ANP32A: variants seen among roughly 807,000 people sequenced by gnomAD.
The protein encoded by ANP32A is acidic leucine-rich nuclear phosphoprotein 32 family member A.
In ANP32A, 1 loss-of-function variant was observed where a neutral mutation model predicts 33.9. That is an observed-to-expected ratio of 0.03 (90% CI 0.01 to 0.14). The LOEUF is 0.14. Ranked by LOEUF, ANP32A falls within the 10% of genes least tolerant of loss-of-function variation. The pLI, the probability that ANP32A is intolerant of heterozygous loss-of-function variation, is 1.00. For synonymous variants in ANP32A, 115 were observed against 120.5 expected (o/e 0.95, Z 0.30); for missense variants, 155 against 306.0 (o/e 0.51, Z 3.68).
chr15:68,797,278 G>A (rs1894075441), intron 1 of ANP32A, among the ~76,000 whole-genome samples: 1 of 152,024 alleles, frequency 6.6e-6, no homozygotes, highest in African/African-American at 2.4e-5. Context: ...TGGGGTGGGA[G>A]GAGAGGAGAG....
intron 4 of ANP32A, 52 bp from the exon 5 acceptor site, chr15:68,783,105 GC>G (rs565045993): frequency 2.6e-6 from 4 of 1,548,230 alleles, no homozygotes; most frequent in African/African-American, 1.4e-5. Flanking sequence ...AGCTGGCTCC[GC>G]CCCCCACACA....
In ANP32A at chr15:68,818,341, G is replaced by A. The variant is rs762406508; in HGVS notation, c.54+2357C>T. Reference sequence around the variant, plus strand: ...AGGTGGGTGTGTGGGGGGCCCAGGGGCAGCGCGGCGGGGAGGGGCGCAGGG... The same window carrying A: ...AGGTGGGTGTGTGGGGGGCCCAGGGACAGCGCGGCGGGGAGGGGCGCAGGG... On this transcript the variant is annotated intron_variant, in intron 1 of 6. Coordinates refer to ENST00000465139, the MANE Select transcript of ANP32A (RefSeq NM_006305.4). 1.0e-4 allele frequency: 20 copies of A among 196,410 alleles called. 1 individual carries two copies. The East Asian group carries it at 1.7e-3, about 16-fold the overall frequency. 12.2% of individuals were successfully genotyped at this position (196,410 alleles called of 1,614,324 possible). A position where few individuals can be genotyped will look rare whatever the true frequency, so the allele number is the denominator to read the frequency against.
At chr15:68,815,163 G>A (rs1048880154) in intron 1 of ANP32A, among the ~76,000 whole-genome samples, 3 of 152,192 alleles carry the variant, frequency 2.0e-5, no homozygotes, top group African/African-American at 7.2e-5. Context: ...AAAAGACCCT[G>A]AGAGTACCAC....
chr15:68,820,190 G>T (rs1472357871), intron 1 of ANP32A, among the ~76,000 whole-genome samples: 2 of 152,242 alleles, frequency 1.3e-5, no homozygotes, highest in Non-Finnish European at 2.9e-5. Context: ...GTGTGCGAGC[G>T]AGCGAGCGAG....
At chr15:68,816,853 C>T (rs1894389397) in intron 1 of ANP32A, among the ~76,000 whole-genome samples, 1 of 152,186 alleles carries the variant, frequency 6.6e-6, no homozygotes, top group African/African-American at 2.4e-5. Flanking sequence ...CAGCAGAACT[C>T]AACTGACTAT....
Position 68,780,521 on chromosome 15 carries a change from G to A in ANP32A, c.625-48C>T. 6 of 1,611,832 alleles carry A rather than the reference G, an allele frequency of 3.7e-6. No homozygotes were observed. The highest frequency in any genetic ancestry group is 5.1e-6 in the Non-Finnish European group (6 of 1,178,898). On this transcript the variant is annotated intron_variant, in intron 5 of 6. Transcript: ENST00000465139. This position sits in a 1 kb window ranked among gnomAD's most constrained non-coding sequence, Gnocchi z 4.3. The stretch of plus-strand genomic sequence containing the variant: ...GAACATTAGAAATGCCCTGCCTTGG[G>A]ACATGCTGAGGAAGCCACACAGAGC...
At chr15:68,807,031 C>CATATAAAG (rs1894239483) in intron 1 of ANP32A, among the ~76,000 whole-genome samples, 1 of 152,244 alleles carries the variant, frequency 6.6e-6, no homozygotes, top group Non-Finnish European at 1.5e-5. Context: ...GGAGCACTGA[C>CATATAAAG]CAGACAGAGA....
intron 5 of ANP32A, 181 bp downstream of exon 5, chr15:68,782,775 G>T: frequency 8.7e-7 from 1 of 1,151,640 alleles, no homozygotes; most frequent in Non-Finnish European, 1.2e-6. Flanking sequence ...AGAGCTTACT[G>T]CAAGTCTTGT....
At chr15:68,809,734 G>A (rs1451064045) in intron 1 of ANP32A, among the ~76,000 whole-genome samples, 4 of 151,794 alleles carry the variant, frequency 2.6e-5, no homozygotes, top group Admixed American at 6.6e-5. Context: ...CAGTGGCTTC[G>A]TGCTTGATGT....
At chr15:68,804,096 G>C (rs978281323) in intron 1 of ANP32A, among the ~76,000 whole-genome samples, 2 of 152,004 alleles carry the variant, frequency 1.3e-5, no homozygotes, top group Admixed American at 6.5e-5. Flanking sequence ...CACTGCGCCC[G>C]GCCCACAATA....
At chr15:68,783,804 T>TCTGAGCACCTGGGGCTC (rs1195678834) in intron 4 of ANP32A, among the ~76,000 whole-genome samples, 2 of 152,088 alleles carry the variant, frequency 1.3e-5, no homozygotes, top group South Asian at 4.1e-4. Flanking sequence ...GTCCTCCACT[T>TCTGAGCACCTGGGGCTC]CTGAGCACCT....
chr15:68,817,599 T>A (rs1399412312), intron 1 of ANP32A: 1 of 152,216 alleles, frequency 6.6e-6, no homozygotes, highest in African/African-American at 2.4e-5. Flanking sequence ...GGTTAGTCCT[T>A]AAGGCCACAT....
intron 1 of ANP32A, among the ~76,000 whole-genome samples, chr15:68,812,491 A>C (rs1402377803): frequency 6.6e-6 from 1 of 152,146 alleles, no homozygotes; most frequent in African/African-American, 2.4e-5. Context: ...GGAGAGAAGC[A>C]AGACATAAGG....
Position 68,780,320 on chromosome 15 carries a change from C to T in ANP32A, c.688+90G>A. On this transcript the variant is annotated intron_variant, in intron 6 of 6. Coordinates refer to ENST00000465139, the MANE Select transcript of ANP32A (RefSeq NM_006305.4). This position sits in a 1 kb window ranked among gnomAD's most constrained non-coding sequence, Gnocchi z 4.3. ...GAGGCCTCTGACAGGAGTGTCCTGC[C>T]CACTGCCAGGGGCCTCTGAGTCTAA... The T allele has an allele frequency of 2.5e-6, 4 of 1,601,400 alleles. No individual in the cohort carries two copies. Among genetic ancestry groups the T allele is most frequent in the Middle Eastern group, 3.3e-4 (2 of 5,992 alleles).
intron 1 of ANP32A, among the ~76,000 whole-genome samples, chr15:68,816,930 T>A (rs1894390236): frequency 6.6e-6 from 1 of 152,136 alleles, no homozygotes; most frequent in Non-Finnish European, 1.5e-5. Context: ...TAAACTGTAG[T>A]TAATATCATG....
At chr15:68,817,085 C>A (rs904948561) in intron 1 of ANP32A, among the ~76,000 whole-genome samples, 17 of 152,232 alleles carry the variant, frequency 1.1e-4, no homozygotes, top group African/African-American at 4.1e-4. Flanking sequence ...CAGAGTTCAG[C>A]TCGTGAGGTG....
intron 1 of ANP32A, among the ~76,000 whole-genome samples, chr15:68,788,990 G>A (rs755306403): frequency 5.3e-5 from 8 of 152,190 alleles, no homozygotes; most frequent in Admixed American, 2.6e-4. Flanking sequence ...AAGACAGGCC[G>A]AGGAAAAGTA....
intron 1 of ANP32A, among the ~76,000 whole-genome samples, chr15:68,809,999 G>C (rs1894291024): frequency 2.0e-5 from 3 of 152,202 alleles, no homozygotes; most frequent in Admixed American, 2.0e-4. Context: ...TTCTGTAAGA[G>C]TTTTCTGGCA....
rs768549533 is a variant in ANP32A, at chr15:68,787,887, C to T, written c.87G>A (p.Ser29=). Residue 29 remains serine, a synonymous_variant, in exon 2 of 7, where the codon TCG becomes TCA. Coordinates refer to ENST00000465139, the MANE Select transcript of ANP32A (RefSeq NM_006305.4). ...TGAGGCCTTCGAGTTTGCCTTCATT[C>T]GACCGACTGTTGTCCAGGACAAGTT... ...VKELVLDNSR[S]NEGKLEGLTD... 21 of 1,614,130 alleles carry T rather than the reference C, an allele frequency of 1.3e-5. No homozygotes were observed. In the South Asian group the frequency reaches 1.9e-4, roughly 14 times the overall value.
Sources: gnomAD v4.1 joint callset for allele counts (sites outside exome capture counted in the v4.1 genomes callset) on GRCh38, gnomAD v4.1.1 for gene constraint, Gnocchi (gnomAD v3.1) non-coding constraint, MANE v1.5 for transcripts, NCBI Gene and HGNC (gene_info 2026-07-23, HGNC 2026-07-21) for gene names.